Variants in AQP7B observed in about 807,000 individuals in gnomAD.
The protein encoded by AQP7B is aquaporin 7B.
At chr2:94,595,548 G>C in the AQP7B span, among the ~76,000 whole-genome samples, 15 of 152,280 alleles carry the variant, frequency 9.9e-5, no homozygotes, top group African/African-American at 3.6e-4. Context: ...GCAAGCAGGG[G>C]AGTGACATGA....
At chr2:94,596,846 C>T in the AQP7B span, among the ~76,000 whole-genome samples, 2 of 152,262 alleles carry the variant, frequency 1.3e-5, no homozygotes, top group East Asian at 3.9e-4. Flanking sequence ...ACTACAGGCA[C>T]GTGCCACTGT....
chr2:94,592,954 G>A, the AQP7B span, among the ~76,000 whole-genome samples: 1 of 149,530 alleles, frequency 6.7e-6, no homozygotes, highest in East Asian at 2.0e-4. Flanking sequence ...CTCCCCATTA[G>A]CTGGAACCAC....
the AQP7B span, among the ~76,000 whole-genome samples, chr2:94,594,165 G>A: frequency 6.6e-6 from 1 of 152,084 alleles, no homozygotes; most frequent in African/African-American, 2.4e-5. Context: ...CACTGACCTG[G>A]TTGCACAGCC....
the AQP7B span, chr2:94,603,283 G>A: frequency 1.3e-5 from 18 of 1,416,952 alleles, no homozygotes; most frequent in Admixed American, 4.1e-5. Context: ...GGAGAAAAAA[G>A]CCTTGGAGCT....
chr2:94,602,302 C>T, the AQP7B span, among the ~76,000 whole-genome samples: 1 of 151,878 alleles, frequency 6.6e-6, no homozygotes, highest in Non-Finnish European at 1.5e-5. Flanking sequence ...ACTGAGAGGC[C>T]TCAGCAGGGG....
chr2:94,590,926 CAGAG>C, the AQP7B span, among the ~76,000 whole-genome samples: 1 of 109,848 alleles, frequency 9.1e-6, no homozygotes, highest in Non-Finnish European at 1.7e-5. Flanking sequence ...GCCTGGGTGA[CAGAG>C]TGAGACCCTG....
At chr2:94,594,248 A>G in the AQP7B span, among the ~76,000 whole-genome samples, 1 of 152,196 alleles carries the variant, frequency 6.6e-6, no homozygotes, top group Non-Finnish European at 1.5e-5. Context: ...CTGTTTACAG[A>G]GCTCGGCAGC....
At chr2:94,602,467 C>G in the AQP7B span, 6 of 1,593,612 alleles carry the variant, frequency 3.8e-6, no homozygotes, top group African/African-American at 6.7e-5. Context: ...GGGCAGGCAG[C>G]CCCCTTAGAG....
At chr2:94,589,402 C>T in the AQP7B span, among the ~76,000 whole-genome samples, 2 of 151,978 alleles carry the variant, frequency 1.3e-5, no homozygotes, top group Admixed American at 1.3e-4. Context: ...TAACATACAG[C>T]CCACTCTCAT....
At chr2:94,596,367 G>C in the AQP7B span, among the ~76,000 whole-genome samples, 17 of 152,292 alleles carry the variant, frequency 1.1e-4, no homozygotes, top group South Asian at 2.1e-4. Context: ...CAGGGTCCAG[G>C]GTCTAGAAAA....
At chr2:94,596,053 G>A in the AQP7B span, among the ~76,000 whole-genome samples, 1 of 152,234 alleles carries the variant, frequency 6.6e-6, no homozygotes, top group Admixed American at 6.5e-5. Context: ...AGAGGTGTGA[G>A]GAGAACCAGA....
chr2:94,593,359 T>C, the AQP7B span, among the ~76,000 whole-genome samples: 2 of 151,748 alleles, frequency 1.3e-5, no homozygotes, highest in Non-Finnish European at 2.9e-5. Flanking sequence ...CAGTACGTGA[T>C]GTGCAAGGAT....
At chr2:94,596,928 G>A in the AQP7B span, among the ~76,000 whole-genome samples, 10 of 152,130 alleles carry the variant, frequency 6.6e-5, no homozygotes, top group Non-Finnish European at 7.4e-5. Context: ...TCGAACTCCC[G>A]AATTCAGGTG....
chr2:94,604,265 AG>A, the AQP7B span: 1 of 1,577,128 alleles, frequency 6.3e-7, no homozygotes, highest in Admixed American at 1.7e-5. Flanking sequence ...CCCCCTCAGC[AG>A]GCCTCTGCCT....
chr2:94,587,434 G>A, the AQP7B span, among the ~76,000 whole-genome samples: 7 of 152,156 alleles, frequency 4.6e-5, no homozygotes, highest in Non-Finnish European at 7.4e-5. Flanking sequence ...AGGCAGGGTG[G>A]GGATGGGGCA....
the AQP7B span, among the ~76,000 whole-genome samples, chr2:94,598,731 C>T: frequency 5.9e-5 from 9 of 152,224 alleles, no homozygotes; most frequent in Non-Finnish European, 1.0e-4. Flanking sequence ...GGATGAATTA[C>T]GTGCATGAGT....
At chr2:94,601,590 G>T in the AQP7B span, among the ~76,000 whole-genome samples, 1 of 152,210 alleles carries the variant, frequency 6.6e-6, no homozygotes, top group African/African-American at 2.4e-5. Context: ...TTGAGGAGGG[G>T]GTGCGAGGGA....
the AQP7B span, among the ~76,000 whole-genome samples, chr2:94,592,015 T>C: frequency 6.6e-6 from 1 of 152,224 alleles, no homozygotes; most frequent in Non-Finnish European, 1.5e-5. Flanking sequence ...CATAGTGGAT[T>C]CAAGAAATCT....
chr2:94,603,279 A>T, the AQP7B span: 1 of 1,413,478 alleles, frequency 7.1e-7, no homozygotes, highest in Non-Finnish European at 9.7e-7. Context: ...GCTGGGAGAA[A>T]AAAGCCTTGG....
Sources: gnomAD v4.1 joint callset for allele counts (sites outside exome capture counted in the v4.1 genomes callset) on GRCh38, gnomAD v4.1.1 for gene constraint, MANE v1.5 for transcripts, NCBI Gene and HGNC (gene_info 2026-07-23, HGNC 2026-07-21) for gene names.